TBC1D5: variants seen among roughly 807,000 people sequenced by gnomAD.
TBC1D5 encodes TBC1 domain family, member 5.
TBC1D5 carries 75 observed loss-of-function variants against 100.3 expected under a neutral mutation model. The ratio of observed to expected loss-of-function variants is 0.75; its 90% CI spans 0.62 to 0.91. The LOEUF (loss-of-function observed/expected upper bound fraction) is 0.91. Ranked by LOEUF, TBC1D5 falls within the 40% of genes least tolerant of loss-of-function variation. The pLI is 0.00. For missense variants in TBC1D5, 910 were observed against 942.4 expected (o/e 0.97, Z 0.45); for synonymous variants, 323 against 325.6 (o/e 0.99, Z 0.09).
chr3:17,342,581 G>A (rs1372638719), intron 13 of TBC1D5, among the ~76,000 whole-genome samples: 2 of 152,098 alleles, frequency 1.3e-5, no homozygotes, highest in Non-Finnish European at 2.9e-5. Flanking sequence ...CTAATGTCAA[G>A]GCTGACTATT....
At chr3:17,483,290 A>AC (rs1373013265) in intron 3 of TBC1D5, among the ~76,000 whole-genome samples, 1 of 151,120 alleles carries the variant, frequency 6.6e-6, no homozygotes, top group Non-Finnish European at 1.5e-5. Flanking sequence ...TTCTTAAACC[A>AC]CCCCCCACCC....
intron 1 of TBC1D5, among the ~76,000 whole-genome samples, chr3:17,636,935 G>C (rs2063994552): frequency 6.6e-6 from 1 of 152,140 alleles, no homozygotes; most frequent in Non-Finnish European, 1.5e-5. Context: ...TTGTAAGACA[G>C]TAGGGTTAAC....
chr3:17,443,201 T>G (rs923877422), intron 3 of TBC1D5, among the ~76,000 whole-genome samples: 1 of 152,192 alleles, frequency 6.6e-6, no homozygotes, highest in Admixed American at 6.5e-5. Flanking sequence ...TATTTTATTT[T>G]TTATCTGTGG....
At chr3:17,192,562 G>A (rs1472296420) in intron 18 of TBC1D5, among the ~76,000 whole-genome samples, 7 of 152,124 alleles carry the variant, frequency 4.6e-5, no homozygotes, top group Admixed American at 4.6e-4. Context: ...AAATCCCCCA[G>A]TAAATAGCAG....
intron 12 of TBC1D5, among the ~76,000 whole-genome samples, chr3:17,372,781 T>C (rs1375703508): frequency 1.3e-5 from 2 of 152,220 alleles, no homozygotes; most frequent in African/African-American, 2.4e-5. Context: ...GAACAAAAGG[T>C]TATTATTCCA....
intron 10 of TBC1D5, among the ~76,000 whole-genome samples, chr3:17,375,794 C>T (rs904678507): frequency 1.3e-5 from 2 of 152,070 alleles, no homozygotes; most frequent in Admixed American, 1.3e-4. Context: ...AAGTGGATGG[C>T]TATATTTGAT....
chr3:17,214,503 A>G, intron 17 of TBC1D5, 133 bp from the exon 19 acceptor site: 3 of 918,020 alleles, frequency 3.3e-6, no homozygotes, highest in Non-Finnish European at 4.7e-6. Flanking sequence ...GACACTATGG[A>G]GTATTAAAAT....
chr3:17,565,872 A>G (rs1285712226), intron 2 of TBC1D5, among the ~76,000 whole-genome samples: 1 of 152,056 alleles, frequency 6.6e-6, no homozygotes, highest in Non-Finnish European at 1.5e-5. Context: ...TTCTAAATGA[A>G]AAATAATTTT....
chr3:17,262,092 T>G (rs1438696839), intron 15 of TBC1D5, among the ~76,000 whole-genome samples: 1 of 152,216 alleles, frequency 6.6e-6, no homozygotes, highest in Non-Finnish European at 1.5e-5. Flanking sequence ...TGTTGCTTAA[T>G]GATGGGGATA....
At chr3:17,176,963 A>T (rs979987571) in intron 19 of TBC1D5, among the ~76,000 whole-genome samples, 1 of 152,224 alleles carries the variant, frequency 6.6e-6, no homozygotes, top group Non-Finnish European at 1.5e-5. Context: ...TACAACGCCA[A>T]GGCAGCCACT....
chr3:17,575,617 C>T (rs1032493418), intron 2 of TBC1D5, among the ~76,000 whole-genome samples: 4 of 152,054 alleles, frequency 2.6e-5, no homozygotes, highest in African/African-American at 9.7e-5. Flanking sequence ...ACCTGCCTGG[C>T]TGGGAATTAT....
chr3:17,448,486 G>GA (rs1042181741), intron 3 of TBC1D5, among the ~76,000 whole-genome samples: 3 of 152,296 alleles, frequency 2.0e-5, no homozygotes, highest in African/African-American at 7.2e-5. Context: ...TATGAATTAT[G>GA]AAATGTATTT....
chr3:17,499,376 C>T (rs1441159715), intron 3 of TBC1D5, among the ~76,000 whole-genome samples: 1 of 151,472 alleles, frequency 6.6e-6, no homozygotes, highest in Non-Finnish European at 1.5e-5. Context: ...ATATACTTTC[C>T]TAAGCTATGC....
chr3:17,511,152 G>C (rs2095901066), intron 2 of TBC1D5, among the ~76,000 whole-genome samples: 1 of 151,962 alleles, frequency 6.6e-6, no homozygotes, highest in Non-Finnish European at 1.5e-5. Context: ...TAATTTGTAA[G>C]TGTTAGCAAA....
chr3:17,332,514 T>C (rs2087015948), intron 13 of TBC1D5, among the ~76,000 whole-genome samples: 1 of 152,078 alleles, frequency 6.6e-6, no homozygotes, highest in Admixed American at 6.6e-5. Flanking sequence ...TTGGAGATTA[T>C]ACTAAAAAGC....
At chr3:17,560,530 G>C (rs1388907325) in intron 2 of TBC1D5, among the ~76,000 whole-genome samples, 1 of 150,896 alleles carries the variant, frequency 6.6e-6, no homozygotes, top group Non-Finnish European at 1.5e-5. Flanking sequence ...TCAGCAGGAG[G>C]ATCACTTGAG....
At chr3:17,695,989 C>T (rs1299488905) in intron 1 of TBC1D5, among the ~76,000 whole-genome samples, 2 of 152,134 alleles carry the variant, frequency 1.3e-5, no homozygotes, top group Non-Finnish European at 2.9e-5. Context: ...CAACTTATTC[C>T]TGAATGACTA....
At chr3:17,593,619 C>T (rs1355670866) in intron 2 of TBC1D5, among the ~76,000 whole-genome samples, 1 of 152,216 alleles carries the variant, frequency 6.6e-6, no homozygotes, top group Admixed American at 6.5e-5. Context: ...AGACTAGCAC[C>T]CATGTACTCA....
intron 12 of TBC1D5, among the ~76,000 whole-genome samples, chr3:17,374,265 T>A (rs1283632101): frequency 6.6e-6 from 1 of 152,142 alleles, no homozygotes; most frequent in Non-Finnish European, 1.5e-5. Context: ...TGTATTTATA[T>A]GAAATTTTTA....
Sources: gnomAD v4.1 joint callset for allele counts (sites outside exome capture counted in the v4.1 genomes callset) on GRCh38, gnomAD v4.1.1 for gene constraint, MANE v1.5 for transcripts, NCBI Gene and HGNC (gene_info 2026-07-23, HGNC 2026-07-21) for gene names.